REDIC1: variants seen among roughly 807,000 people sequenced by gnomAD.
The protein encoded by REDIC1 is regulator of DNA class I crossover intermediates 1.
chr12:39,728,667 A>C, the REDIC1 span, among the ~76,000 whole-genome samples: 1 of 151,004 alleles, frequency 6.6e-6, no homozygotes, highest in African/African-American at 2.4e-5. Flanking sequence ...TCATAAAATG[A>C]GTTAGTGAAG....
the REDIC1 span, among the ~76,000 whole-genome samples, chr12:39,760,607 AT>A: frequency 1.3e-5 from 2 of 152,084 alleles, no homozygotes; most frequent in South Asian, 4.1e-4. Flanking sequence ...AAATATTATA[AT>A]TATGTACACA....
the REDIC1 span, among the ~76,000 whole-genome samples, chr12:39,675,717 C>G: frequency 1.3e-5 from 2 of 152,238 alleles, no homozygotes; most frequent in African/African-American, 4.8e-5. Context: ...CCCCTGCCAC[C>G]TCCATTGGAG....
chr12:39,808,994 G>A, the REDIC1 span, among the ~76,000 whole-genome samples: 2 of 151,868 alleles, frequency 1.3e-5, no homozygotes, highest in East Asian at 1.9e-4. Flanking sequence ...CCCTGATGTC[G>A]CAAAGATTTC....
At chr12:39,835,931 G>C in the REDIC1 span, among the ~76,000 whole-genome samples, 1 of 152,090 alleles carries the variant, frequency 6.6e-6, no homozygotes, top group Non-Finnish European at 1.5e-5. Flanking sequence ...AGCTGAGCCT[G>C]GTTTTTAAAT....
chr12:39,706,391 A>G, the REDIC1 span, among the ~76,000 whole-genome samples: 1 of 151,968 alleles, frequency 6.6e-6, no homozygotes, highest in Admixed American at 6.6e-5. Flanking sequence ...TACCCTAAGC[A>G]ATCTATTCAA....
the REDIC1 span, among the ~76,000 whole-genome samples, chr12:39,632,869 A>G: frequency 6.6e-6 from 1 of 152,318 alleles, no homozygotes; most frequent in East Asian, 1.9e-4. Flanking sequence ...ACATGAATGG[A>G]GCCTGCAGTA....
At chr12:39,661,945 A>C in the REDIC1 span, among the ~76,000 whole-genome samples, 2 of 152,148 alleles carry the variant, frequency 1.3e-5, no homozygotes, top group African/African-American at 4.8e-5. Flanking sequence ...TTTGTCAACA[A>C]TCAGTTGGCT....
chr12:39,716,648 G>C, the REDIC1 span: 3 of 728,004 alleles, frequency 4.1e-6, no homozygotes, highest in Non-Finnish European at 4.5e-6. Context: ...AAAGTGTTTT[G>C]TGTTGTTAGC....
At chr12:39,704,256 G>C in the REDIC1 span, among the ~76,000 whole-genome samples, 2 of 152,204 alleles carry the variant, frequency 1.3e-5, no homozygotes, top group Admixed American at 6.5e-5. Flanking sequence ...CAAAAAGTGG[G>C]CAAAGGATAT....
chr12:39,736,325 C>G, the REDIC1 span, among the ~76,000 whole-genome samples: 1 of 152,220 alleles, frequency 6.6e-6, no homozygotes, highest in Non-Finnish European at 1.5e-5. Flanking sequence ...TATGCCTCTT[C>G]CACCATTGTA....
At chr12:39,747,416 C>A in the REDIC1 span, among the ~76,000 whole-genome samples, 12 of 152,232 alleles carry the variant, frequency 7.9e-5, no homozygotes, top group African/African-American at 2.9e-4. Flanking sequence ...CCAATAAATA[C>A]GGGACTATGT....
the REDIC1 span, among the ~76,000 whole-genome samples, chr12:39,858,735 T>C: frequency 6.6e-6 from 1 of 151,976 alleles, no homozygotes; most frequent in Non-Finnish European, 1.5e-5. Context: ...GCCTCCCGAG[T>C]AGCTGGGATT....
chr12:39,849,211 GGGAAAGA>G, the REDIC1 span, among the ~76,000 whole-genome samples: 1 of 152,014 alleles, frequency 6.6e-6, no homozygotes, highest in Non-Finnish European at 1.5e-5. Flanking sequence ...AAAAACAAGT[GGGAAAGA>G]GTCCCTAACA....
the REDIC1 span, among the ~76,000 whole-genome samples, chr12:39,741,595 A>C: frequency 3.3e-5 from 5 of 152,210 alleles, no homozygotes; most frequent in African/African-American, 1.2e-4. Flanking sequence ...TGGGAAAAAT[A>C]AAAACCCAGG....
the REDIC1 span, among the ~76,000 whole-genome samples, chr12:39,666,766 G>A: frequency 3.3e-5 from 5 of 152,134 alleles, 1 homozygote; most frequent in Non-Finnish European, 7.4e-5. Flanking sequence ...TCTATTCAGA[G>A]ATTCAACTTC....
At chr12:39,831,843 C>T in the REDIC1 span, among the ~76,000 whole-genome samples, 4 of 152,078 alleles carry the variant, frequency 2.6e-5, no homozygotes, top group Non-Finnish European at 5.9e-5. Context: ...CTTCCTGATG[C>T]CCTCACCAGA....
chr12:39,633,608 A>T, the REDIC1 span, among the ~76,000 whole-genome samples: 1 of 152,212 alleles, frequency 6.6e-6, no homozygotes, highest in Non-Finnish European at 1.5e-5. Flanking sequence ...TATGTGCTAT[A>T]CTTTTATACC....
the REDIC1 span, among the ~76,000 whole-genome samples, chr12:39,703,571 T>G: frequency 6.6e-6 from 1 of 151,804 alleles, no homozygotes; most frequent in Non-Finnish European, 1.5e-5. Flanking sequence ...CTTCACAGAA[T>G]TGGAAAAAAC....
At chr12:39,749,259 A>G in the REDIC1 span, among the ~76,000 whole-genome samples, 274 of 152,336 alleles carry the variant, frequency 1.8e-3, 1 homozygote, top group African/African-American at 6.4e-3. Flanking sequence ...TCCCACAGAA[A>G]TACAAACTAC....
Sources: allele counts gnomAD v4.1 joint callset (sites outside exome capture counted in the v4.1 genomes callset), GRCh38; gene constraint gnomAD v4.1.1; transcripts MANE v1.5; gene names NCBI Gene and HGNC (gene_info 2026-07-23, HGNC 2026-07-21).